The following ARHGEF10L variants were observed in gnomAD, a reference collection of about 807,000 sequenced individuals.
ARHGEF10L encodes rho guanine nucleotide exchange factor 10-like protein.
A neutral mutation model predicts 141.2 loss-of-function variants in ARHGEF10L; 69 were observed. The observed-to-expected ratio is 0.49, with a 90% CI of 0.40 to 0.60. ARHGEF10L has a LOEUF of 0.60. Among genes scored for constraint, ARHGEF10L ranks in the 20% least tolerant of loss-of-function variants. The pLI, the probability that ARHGEF10L is intolerant of heterozygous loss-of-function variation, is 0.00. For missense variants in ARHGEF10L, 1,482 were observed against 1,734.3 expected (o/e 0.85, Z 2.58); for synonymous variants, 711 against 718.5 (o/e 0.99, Z 0.17).
intron 26 of ARHGEF10L, among the ~76,000 whole-genome samples, chr1:17,684,025 G>A (rs1353160822): frequency 2.0e-5 from 3 of 152,218 alleles, no homozygotes; most frequent in Non-Finnish European, 2.9e-5. Flanking sequence ...TTGTGCATCC[G>A]TGAGCAAGGA....
Position 17,639,950 on chromosome 1 carries a change from G to A in ARHGEF10L, c.2172-252G>A. 1.3e-6 allele frequency: 2 copies of A among 1,486,318 alleles called. No homozygotes were observed. The highest frequency in any genetic ancestry group is 9.0e-7 in the Non-Finnish European group (1 of 1,115,698). The allele number at this position is 1,486,318 out of a possible 1,614,324, so 92.1% of individuals were successfully genotyped here. ...CAAAGCCAGAGGCTCCTGGAGCCAG[G>A]CTGGGGAGCGTGGCTCAGCCACCCT... On this transcript the variant is annotated intron_variant, in intron 20 of 28. Transcript: ENST00000361221. This position sits in a 1 kb window ranked among gnomAD's most constrained non-coding sequence, Gnocchi z 4.3.
At chr1:17,553,325 T>A (rs1557698520) in intron 1 of ARHGEF10L, among the ~76,000 whole-genome samples, 1 of 152,210 alleles carries the variant, frequency 6.6e-6, no homozygotes, top group Non-Finnish European at 1.5e-5. Context: ...GAATCTAGAA[T>A]CTCTACCAAT....
At chr1:17,598,636 T>G (rs1388324642) in intron 4 of ARHGEF10L, among the ~76,000 whole-genome samples, 1 of 152,196 alleles carries the variant, frequency 6.6e-6, no homozygotes, top group Non-Finnish European at 1.5e-5. Context: ...CCCCACCGCC[T>G]AATACTATCA....
chr1:17,522,328 C>T, the ARHGEF10L span, among the ~76,000 whole-genome samples: 4 of 152,218 alleles, frequency 2.6e-5, no homozygotes, highest in Admixed American at 2.0e-4. Context: ...CAGCCAACGC[C>T]GTCCTGAAGG....
chr1:17,592,470 G>A (rs1331120451), intron 4 of ARHGEF10L, among the ~76,000 whole-genome samples: 1 of 152,122 alleles, frequency 6.6e-6, no homozygotes, highest in Non-Finnish European at 1.5e-5. Context: ...GAAGTGATGG[G>A]GCAGCCGTAT....
intron 26 of ARHGEF10L, among the ~76,000 whole-genome samples, chr1:17,672,521 C>T (rs1373396303): frequency 3.9e-5 from 6 of 152,168 alleles, no homozygotes; most frequent in Admixed American, 6.5e-5. Context: ...TGCAGGGTCT[C>T]GCGTCCTATC....
intron 27 of ARHGEF10L, among the ~76,000 whole-genome samples, chr1:17,692,641 C>G (rs950848383): frequency 6.6e-6 from 1 of 152,196 alleles, no homozygotes; most frequent in Non-Finnish European, 1.5e-5. Flanking sequence ...GCTGCGGGAG[C>G]CCCTGCTGGG....
intron 26 of ARHGEF10L, among the ~76,000 whole-genome samples, chr1:17,684,453 C>T (rs773850017): frequency 6.6e-6 from 1 of 152,144 alleles, no homozygotes; most frequent in Non-Finnish European, 1.5e-5. Flanking sequence ...TGTGAGGAGG[C>T]GTGGCCTCCT....
intron 1 of ARHGEF10L, among the ~76,000 whole-genome samples, chr1:17,572,867 C>T (rs904929028): frequency 6.6e-6 from 1 of 152,062 alleles, no homozygotes; most frequent in East Asian, 1.9e-4. Context: ...CACAGATTCC[C>T]CAAAGGTTGT....
chr1:17,518,139 G>A, the ARHGEF10L span, among the ~76,000 whole-genome samples: 1 of 152,208 alleles, frequency 6.6e-6, no homozygotes. Flanking sequence ...GGGTGTGGCT[G>A]TATTTCCATA....
chr1:17,532,212 T>A, the ARHGEF10L span, among the ~76,000 whole-genome samples: 1 of 152,156 alleles, frequency 6.6e-6, no homozygotes, highest in Non-Finnish European at 1.5e-5. Context: ...TGGTAACTTC[T>A]AGAACAGGCC....
intron 1 of ARHGEF10L, among the ~76,000 whole-genome samples, chr1:17,547,637 C>G (rs372895039): frequency 3.0e-4 from 46 of 152,200 alleles, no homozygotes; most frequent in African/African-American, 1.1e-3. Context: ...AACAGTCTCC[C>G]GAAATTGAAG....
chr1:17,603,616 G>A lies in ARHGEF10L; in HGVS notation c.433+25G>A, dbSNP rs745659205. 1.1e-5 allele frequency: 17 copies of A among 1,584,468 alleles called. No individual in the cohort carries two copies. The highest frequency in any genetic ancestry group is 1.4e-5 in the Non-Finnish European group (16 of 1,163,110). On this transcript the variant is annotated intron_variant, in intron 6 of 28. Transcript: ENST00000361221. The surrounding 1 kb of genome is among the most constrained non-coding windows in gnomAD (Gnocchi z 4.8). The stretch of plus-strand genomic sequence containing the variant: ...GGTATGATGTCTGCAGTGCTTCCCT[G>A]TTTCTCTTGGGGACAGGGGAGGGAG...
rs914043370 is a variant in ARHGEF10L at position 17,697,824 on chromosome 1, G to A, written c.*444G>A. 8.2e-6 allele frequency: 2 copies of A among 244,134 alleles called. No individual in the cohort carries two copies. The highest frequency in any genetic ancestry group is 1.7e-5 in the Non-Finnish European group (2 of 115,816). The allele number at this position is 244,134 out of a possible 1,614,324, so 15.1% of individuals were successfully genotyped here. ...TGTATAAATAAAGTCTGTACATATT[G>A]GAGCTCTGGGAGATGCTGGAATAAA... On this transcript the variant is annotated 3_prime_UTR_variant, in exon 29 of 29. Transcript: ENST00000361221. The surrounding 1 kb of genome is among the most constrained non-coding windows in gnomAD (Gnocchi z 4.8).
At chr1:17,693,017 G>A (rs897781152) in intron 27 of ARHGEF10L, among the ~76,000 whole-genome samples, 23 of 152,134 alleles carry the variant, frequency 1.5e-4, no homozygotes, top group African/African-American at 2.2e-4. Context: ...CTGAAGACCC[G>A]GGAATCCTCC....
At position 17,673,967 on chromosome 1, in the gene ARHGEF10L, C is replaced by T. The variant is rs2063484721; in HGVS notation, c.3009+9372C>T. Among the ~76,000 whole-genome samples, 1 of 152,138 alleles carries T rather than the reference C, an allele frequency of 6.6e-6. No homozygotes were observed. The highest frequency in any genetic ancestry group is 1.5e-5 in the Non-Finnish European group (1 of 68,010). ...CCAGGATCTCAGGGTGCCTCTGATTCTGAAGCCCCCACCTGGTCTGCCGTC... is the reference window on the plus strand; with the variant it reads ...CCAGGATCTCAGGGTGCCTCTGATTTTGAAGCCCCCACCTGGTCTGCCGTC... On this transcript the variant is annotated intron_variant, in intron 26 of 28. Transcript: ENST00000361221. The surrounding 1 kb of genome is among the most constrained non-coding windows in gnomAD (Gnocchi z 4.1).
intron 26 of ARHGEF10L, among the ~76,000 whole-genome samples, chr1:17,674,035 C>T (rs1006777091): frequency 5.9e-5 from 9 of 152,118 alleles, no homozygotes; most frequent in African/African-American, 1.7e-4. Flanking sequence ...CTTGTGGGTG[C>T]GTATGTCCGC....
intron 26 of ARHGEF10L, among the ~76,000 whole-genome samples, chr1:17,679,182 A>G (rs1296333136): frequency 2.0e-5 from 3 of 152,184 alleles, no homozygotes; most frequent in Non-Finnish European, 2.9e-5. Context: ...TTACAGATGA[A>G]TGAACAGAGT....
rs997770778 is a variant in ARHGEF10L, at chr1:17,566,963, G to A, written c.-43-13590G>A. Among the ~76,000 whole-genome samples, 4 of 152,246 alleles carry A rather than the reference G, an allele frequency of 2.6e-5. No homozygotes were observed. In the East Asian group the frequency reaches 7.7e-4, roughly 29 times the overall value. On this transcript the variant is annotated intron_variant, in intron 1 of 28. Coordinates refer to ENST00000361221, the MANE Select transcript of ARHGEF10L (RefSeq NM_018125.4). ...TTAAAAGTCCCCAGAGTGAGGGAGC[G>A]GGGTCTGGAGACCTTGGCTCTGACA... is the stretch of plus-strand genomic sequence containing the variant.
Sources: gnomAD v4.1 joint callset for allele counts (sites outside exome capture counted in the v4.1 genomes callset) on GRCh38, gnomAD v4.1.1 for gene constraint, Gnocchi (gnomAD v3.1) non-coding constraint, MANE v1.5 for transcripts, NCBI Gene and HGNC (gene_info 2026-07-23, HGNC 2026-07-21) for gene names.